GADL1: variants seen among roughly 807,000 people sequenced by gnomAD.
GADL1 encodes GAD like acidic amino acid decarboxylase 1.
Under a neutral mutation model 69.5 loss-of-function variants are expected in GADL1, and 71 were observed. The observed-to-expected ratio is 1.02, with a 90% CI of 0.84 to 1.25. The LOEUF is 1.25. Among genes scored for constraint, GADL1 ranks in the 50% most tolerant of loss-of-function variants. The pLI is 0.00. For synonymous variants in GADL1, 254 were observed against 214.4 expected (o/e 1.18, Z -1.62); for missense variants, 737 against 631.8 (o/e 1.17, Z -1.79).
intron 9 of GADL1, among the ~76,000 whole-genome samples, chr3:30,836,546 C>G (rs1697877643): frequency 6.6e-6 from 1 of 151,970 alleles, no homozygotes; most frequent in Non-Finnish European, 1.5e-5. Context: ...ATTTATTAAG[C>G]TATTACTATA....
intron 11 of GADL1, among the ~76,000 whole-genome samples, chr3:30,814,620 C>G (rs1303480867): frequency 6.6e-6 from 1 of 152,036 alleles, no homozygotes; most frequent in South Asian, 2.1e-4. Context: ...TTTTTAGACC[C>G]CATGCTTTAA....
chr3:30,892,030 G>A (rs1201195095), intron 1 of GADL1, among the ~76,000 whole-genome samples: 4 of 152,100 alleles, frequency 2.6e-5, no homozygotes, highest in South Asian at 4.2e-4. Context: ...AAGAATCAAA[G>A]CTATTCAGGA....
At chr3:30,735,126 C>T (rs1426856820) in intron 14 of GADL1, among the ~76,000 whole-genome samples, 1 of 152,084 alleles carries the variant, frequency 6.6e-6, no homozygotes, top group Non-Finnish European at 1.5e-5. Flanking sequence ...AAGGGTGCTG[C>T]CCTTTTTGAA....
chr3:30,866,877 G>A (rs140498740), intron 1 of GADL1, among the ~76,000 whole-genome samples: 3 of 152,158 alleles, frequency 2.0e-5, no homozygotes, highest in East Asian at 1.9e-4. Context: ...TTCAGCAACT[G>A]GCTTTCAATA....
Position 30,854,793 on chromosome 3 carries a change from TAA to T in GADL1, c.338-6_338-5del, listed in dbSNP as rs1698202376. 2 of 1,516,144 alleles carry T rather than the reference TAA, an allele frequency of 1.3e-6. No homozygotes were observed. Among genetic ancestry groups the T allele is most frequent in the East Asian group, 4.9e-5 (2 of 40,692 alleles). 93.9% of individuals were successfully genotyped at this position (1,516,144 alleles called of 1,614,324 possible). ...TGGTTGAAAAATCTTGGGTGGTCTG[TAA>T]ATTTAAAATGGAGTATTCATCTATG... On this transcript the variant is annotated splice_polypyrimidine_tract_variant and splice_region_variant and intron_variant, in intron 3 of 14. Transcript: ENST00000282538.
chr3:30,823,110 C>T (rs372952633), intron 11 of GADL1, among the ~76,000 whole-genome samples: 11 of 152,058 alleles, frequency 7.2e-5, no homozygotes, highest in African/African-American at 2.4e-4. Flanking sequence ...AATGAAAAGC[C>T]TAGCAGACCT....
At chr3:30,791,000 T>G (rs189853946) in intron 12 of GADL1, among the ~76,000 whole-genome samples, 2 of 139,694 alleles carry the variant, frequency 1.4e-5, no homozygotes, top group African/African-American at 2.8e-5. Flanking sequence ...TTTTTACACT[T>G]TTTTTTTTTA....
chr3:30,808,497 C>A (rs1207311634), intron 11 of GADL1, among the ~76,000 whole-genome samples: 34 of 140,386 alleles, frequency 2.4e-4, no homozygotes, highest in African/African-American at 3.4e-4. Context: ...GACTCTATCT[C>A]AAAAAAAAAA....
chr3:30,844,518 A>G (rs767783331), intron 6 of GADL1, 52 bp from the exon 7 acceptor site: 21 of 1,129,986 alleles, frequency 1.9e-5, no homozygotes, highest in Middle Eastern at 3.9e-4. Context: ...CATAGCACAA[A>G]AAAAGCATTG....
At chr3:30,853,414 G>A (rs138021474) in intron 4 of GADL1, among the ~76,000 whole-genome samples, 485 of 152,194 alleles carry the variant, frequency 3.2e-3, no homozygotes, top group African/African-American at 0.011. Context: ...TCTCATCCAC[G>A]TCCACCATTT....
chr3:30,799,426 G>A (rs1697115162), intron 12 of GADL1: 1 of 152,298 alleles, frequency 6.6e-6, no homozygotes, highest in Admixed American at 6.5e-5. Context: ...GAGCAGCTGG[G>A]ATGCAGGGCA....
intron 14 of GADL1, among the ~76,000 whole-genome samples, chr3:30,777,887 A>C (rs904354589): frequency 6.6e-6 from 1 of 152,210 alleles, no homozygotes; most frequent in African/African-American, 2.4e-5. Context: ...CATTCATCAC[A>C]CAACTTTAAC....
At chr3:30,852,155 A>G (rs1017814159) in intron 4 of GADL1, among the ~76,000 whole-genome samples, 2 of 152,182 alleles carry the variant, frequency 1.3e-5, no homozygotes, top group Admixed American at 1.3e-4. Flanking sequence ...GTCACCTACT[A>G]TGTATCACCT....
intron 14 of GADL1, among the ~76,000 whole-genome samples, chr3:30,744,022 C>T (rs1283649630): frequency 6.6e-6 from 1 of 152,132 alleles, no homozygotes; most frequent in Non-Finnish European, 1.5e-5. Context: ...GAAGCATGAT[C>T]AAGAAATACA....
At chr3:30,831,149 T>G (rs971539498) in intron 11 of GADL1, among the ~76,000 whole-genome samples, 28 of 151,950 alleles carry the variant, frequency 1.8e-4, no homozygotes, top group Non-Finnish European at 2.5e-4. Flanking sequence ...AATAACTCTT[T>G]TAGTTCTTCT....
Position 30,786,387 on chromosome 3 carries a change from T to G in GADL1, c.1270A>C (p.Lys424Gln). The G allele has an allele frequency of 1.3e-6, 2 of 1,516,120 alleles. No homozygotes were observed. Among genetic ancestry groups the G allele is most frequent in the Non-Finnish European group, 1.8e-6 (2 of 1,092,776 alleles). The allele number at this position is 1,516,120 out of a possible 1,614,324, so 93.9% of individuals were successfully genotyped here. Residue 424 changes from lysine (K) to glutamine (Q), a missense_variant, in exon 13 of 15, where the codon AAG (lysine) becomes CAG (glutamine). By Grantham distance (53) the Lys-to-Gln change is moderately conservative. Coordinates refer to ENST00000282538, the MANE Select transcript of GADL1 (RefSeq NM_207359.3). ...AGTAACTTGAATCCTTCTCTTTTCT[T>G]GATTTCATCTACTAGGTACCTAAAA... ...ALSRYLVDEI[K>Q]KREGFKLLME...
chr3:30,796,747 C>A (rs1697040725), intron 12 of GADL1, among the ~76,000 whole-genome samples: 2 of 152,146 alleles, frequency 1.3e-5, no homozygotes, highest in Non-Finnish European at 2.9e-5. Context: ...TTCTGAAAGT[C>A]ATCACTACAC....
chr3:30,892,449 G>A (rs1221006589), intron 1 of GADL1, among the ~76,000 whole-genome samples: 1 of 152,206 alleles, frequency 6.6e-6, no homozygotes, highest in Non-Finnish European at 1.5e-5. Flanking sequence ...GTGTGTTGCT[G>A]CCTTATCACC....
At chr3:30,814,656 T>G in intron 11 of GADL1, among the ~76,000 whole-genome samples, 1 of 152,106 alleles carries the variant, frequency 6.6e-6, no homozygotes, top group Admixed American at 6.6e-5. Context: ...AGACATTCCA[T>G]AAGATAGTCA....
Sources: allele counts gnomAD v4.1 joint callset (sites outside exome capture counted in the v4.1 genomes callset), GRCh38; gene constraint gnomAD v4.1.1; transcripts MANE v1.5; gene names NCBI Gene and HGNC (gene_info 2026-07-23, HGNC 2026-07-21).